Variants in APP observed in about 807,000 individuals in gnomAD.
APP encodes the protein amyloid beta precursor protein.
APP carries 31 observed loss-of-function variants against 101.4 expected under a neutral mutation model. That is an observed-to-expected ratio of 0.31 (90% CI 0.23 to 0.41). The LOEUF (loss-of-function observed/expected upper bound fraction) is 0.41, where lower values mean the gene tolerates loss of function less well. Ranked by LOEUF, APP falls within the 10% of genes least tolerant of loss-of-function variation. The probability of loss-of-function intolerance (pLI) is 1.00; values close to 1 mark genes in which losing one functional copy is unlikely to be tolerated. For synonymous variants in APP, 366 were observed against 364.4 expected (o/e 1.00, Z -0.05); for missense variants, 839 against 1,003.7 (o/e 0.84, Z 2.22).
At chr21:26,024,717 C>A (rs2044493439) in intron 5 of APP, among the ~76,000 whole-genome samples, 1 of 152,078 alleles carries the variant, frequency 6.6e-6, no homozygotes, top group South Asian at 2.1e-4. Context: ...TGTATGATCC[C>A]CATGGAACAC....
At chr21:26,057,066 T>C (rs1385779360) in intron 3 of APP, among the ~76,000 whole-genome samples, 2 of 152,232 alleles carry the variant, frequency 1.3e-5, no homozygotes, top group African/African-American at 4.8e-5. Flanking sequence ...GGACAGCAGT[T>C]ACATGGAAAC....
intron 1 of APP, among the ~76,000 whole-genome samples, chr21:26,115,232 G>A (rs2062409319): frequency 6.6e-6 from 1 of 152,192 alleles, no homozygotes; most frequent in African/African-American, 2.4e-5. Flanking sequence ...AAAATTGGTT[G>A]TGTGTATAGA....
intron 5 of APP, among the ~76,000 whole-genome samples, chr21:26,033,958 T>C (rs553499167): frequency 6.6e-6 from 1 of 152,288 alleles, no homozygotes; most frequent in South Asian, 2.1e-4. Flanking sequence ...CTTGAGATTC[T>C]GTAAGACCCC....
At chr21:25,971,126 C>A (rs1390854618) in intron 11 of APP, among the ~76,000 whole-genome samples, 1 of 152,094 alleles carries the variant, frequency 6.6e-6, no homozygotes, top group Non-Finnish European at 1.5e-5. Flanking sequence ...CGGCTCACTG[C>A]AACCTCTGCC....
chr21:26,111,490 C>G (rs532829145), intron 2 of APP, among the ~76,000 whole-genome samples: 1 of 152,234 alleles, frequency 6.6e-6, no homozygotes, highest in Non-Finnish European at 1.5e-5. Context: ...GTAATCTCAG[C>G]ACTTTGGGAG....
At chr21:26,080,548 C>T (rs1331402498) in intron 3 of APP, among the ~76,000 whole-genome samples, 1 of 151,642 alleles carries the variant, frequency 6.6e-6, no homozygotes, top group Non-Finnish European at 1.5e-5. Context: ...GCGGGTGGAT[C>T]ACGAGGTCAG....
chr21:25,987,969 G>A (rs776129280), intron 8 of APP, among the ~76,000 whole-genome samples: 3 of 152,194 alleles, frequency 2.0e-5, no homozygotes, highest in Non-Finnish European at 4.4e-5. Flanking sequence ...TATGTGATTT[G>A]TATTATGGAG....
chr21:26,036,359 C>G (rs985118223), intron 5 of APP, among the ~76,000 whole-genome samples: 9 of 152,034 alleles, frequency 5.9e-5, no homozygotes, highest in African/African-American at 2.2e-4. Context: ...GACAGTGACA[C>G]ACAGGTTACT....
intron 3 of APP, among the ~76,000 whole-genome samples, chr21:26,080,349 G>A (rs893865061): frequency 5.3e-5 from 8 of 152,184 alleles, no homozygotes; most frequent in African/African-American, 1.9e-4. Context: ...AAATGGCTAA[G>A]CATGAATAAC....
intron 13 of APP, among the ~76,000 whole-genome samples, chr21:25,914,539 C>T (rs949680191): frequency 7.6e-5 from 11 of 144,682 alleles, no homozygotes; most frequent in Non-Finnish European, 1.7e-4. Flanking sequence ...AGGATGCAGC[C>T]ACAAGGCGCC....
At chr21:26,118,126 TAAG>T (rs1374117218) in intron 1 of APP, among the ~76,000 whole-genome samples, 1 of 152,158 alleles carries the variant, frequency 6.6e-6, no homozygotes, top group Non-Finnish European at 1.5e-5. Context: ...TACCCACTCA[TAAG>T]AAGGCCAGTA....
intron 13 of APP, among the ~76,000 whole-genome samples, chr21:25,942,891 T>C (rs1414517770): frequency 6.6e-6 from 1 of 152,130 alleles, no homozygotes; most frequent in African/African-American, 2.4e-5. Context: ...CCATCCATCT[T>C]CCCCACTGAA....
chr21:26,070,665 T>C (rs956880570), intron 3 of APP, among the ~76,000 whole-genome samples: 1 of 152,156 alleles, frequency 6.6e-6, no homozygotes, highest in Non-Finnish European at 1.5e-5. Flanking sequence ...AATCTATCTA[T>C]AGATAACCAA....
At chr21:26,055,822 C>T (rs886480960) in intron 3 of APP, among the ~76,000 whole-genome samples, 2 of 152,076 alleles carry the variant, frequency 1.3e-5, no homozygotes, top group African/African-American at 4.8e-5. Context: ...TAAATCAGTT[C>T]GTGAGAAGAG....
chr21:26,052,813 C>T (rs1214579653), intron 4 of APP, among the ~76,000 whole-genome samples: 1 of 152,082 alleles, frequency 6.6e-6, no homozygotes, highest in Non-Finnish European at 1.5e-5. Flanking sequence ...CAAAAGAAAA[C>T]AACAGGTGCA....
At chr21:25,987,673 G>A (rs148519077) in intron 8 of APP, among the ~76,000 whole-genome samples, 3 of 152,262 alleles carry the variant, frequency 2.0e-5, no homozygotes, top group East Asian at 1.9e-4. Flanking sequence ...GATGACTAAC[G>A]CCTTCTACAT....
intron 8 of APP, among the ~76,000 whole-genome samples, chr21:25,985,241 A>G (rs1490753136): frequency 6.6e-6 from 1 of 152,198 alleles, no homozygotes; most frequent in Non-Finnish European, 1.5e-5. Flanking sequence ...GAATCCAGAA[A>G]TATTTCTGTG....
chr21:26,023,850 A>C (rs917693053), intron 5 of APP, among the ~76,000 whole-genome samples: 18 of 152,230 alleles, frequency 1.2e-4, no homozygotes, highest in Admixed American at 1.1e-3. Flanking sequence ...GTCAGGGGAA[A>C]ATATTCTGAG....
chr21:25,995,944 G>GTTT (rs147826650), intron 8 of APP, among the ~76,000 whole-genome samples: 1 of 145,148 alleles, frequency 6.9e-6, no homozygotes, highest in African/African-American at 2.5e-5. Context: ...TGAGATGAGG[G>GTTT]TTTTTTTTTT....
Sources: gnomAD v4.1 joint callset for allele counts (sites outside exome capture counted in the v4.1 genomes callset) on GRCh38, gnomAD v4.1.1 for gene constraint, MANE v1.5 for transcripts, NCBI Gene and HGNC (gene_info 2026-07-23, HGNC 2026-07-21) for gene names.